Variants in MAGI2 observed in about 807,000 individuals in gnomAD.
MAGI2 encodes the protein membrane associated guanylate kinase, WW and PDZ domain containing 2, also known as membrane-associated guanylate kinase, WW and PDZ domain-containing protein 2.
MAGI2 carries 35 observed loss-of-function variants against 133.3 expected under a neutral mutation model. That is an observed-to-expected ratio of 0.26 (90% CI 0.20 to 0.35). The LOEUF (loss-of-function observed/expected upper bound fraction) is 0.35, where lower values mean the gene tolerates loss of function less well. Ranked by LOEUF, MAGI2 falls within the 10% of genes least tolerant of loss-of-function variation. MAGI2 has a pLI of 1.00. For missense variants in MAGI2, 1,636 were observed against 1,863.4 expected (o/e 0.88, Z 2.25); for synonymous variants, 729 against 710.6 (o/e 1.03, Z -0.41).
intron 3 of MAGI2, among the ~76,000 whole-genome samples, chr7:78,529,913 ATAAT>A (rs113813849): frequency 6.6e-6 from 1 of 151,740 alleles, no homozygotes; most frequent in African/African-American, 2.4e-5. Context: ...AAATATTTTA[ATAAT>A]TAATAAAAAA....
intron 7 of MAGI2, among the ~76,000 whole-genome samples, chr7:78,350,787 A>G (rs2151202909): frequency 6.6e-6 from 1 of 152,310 alleles, no homozygotes; most frequent in South Asian, 2.1e-4. Flanking sequence ...TGAGCCCATC[A>G]GTATGCACAG....
intron 10 of MAGI2, among the ~76,000 whole-genome samples, chr7:78,216,450 G>C (rs1376849179): frequency 6.6e-6 from 1 of 152,204 alleles, no homozygotes; most frequent in African/African-American, 2.4e-5. Context: ...ATGCTTGTAA[G>C]AACAAAGTGA....
At chr7:78,118,629 TG>T (rs1270791561) in intron 20 of MAGI2, among the ~76,000 whole-genome samples, 1 of 152,130 alleles carries the variant, frequency 6.6e-6, no homozygotes, top group Non-Finnish European at 1.5e-5. Context: ...ATCGAGGAAA[TG>T]TAAATTAAAA....
chr7:79,222,991 TCTC>T (rs1316577000), intron 1 of MAGI2, among the ~76,000 whole-genome samples: 1 of 152,000 alleles, frequency 6.6e-6, no homozygotes, highest in Non-Finnish European at 1.5e-5. Flanking sequence ...TTCACGCCAT[TCTC>T]CTGCCTCTGC....
chr7:78,357,925 AATCTT>A (rs1378159143), intron 7 of MAGI2, among the ~76,000 whole-genome samples: 1 of 151,730 alleles, frequency 6.6e-6, no homozygotes, highest in African/African-American at 2.4e-5. Flanking sequence ...TATGTAATAT[AATCTT>A]ATCTAATTAA....
At chr7:78,713,007 T>G (rs1035366078) in intron 2 of MAGI2, among the ~76,000 whole-genome samples, 3 of 152,238 alleles carry the variant, frequency 2.0e-5, no homozygotes, top group African/African-American at 7.2e-5. Flanking sequence ...CATACGAAAA[T>G]GAAAACATTA....
intron 1 of MAGI2, among the ~76,000 whole-genome samples, chr7:79,112,650 T>C (rs1358914423): frequency 6.6e-6 from 1 of 152,210 alleles, no homozygotes; most frequent in Non-Finnish European, 1.5e-5. Flanking sequence ...AAATTTGTGC[T>C]CAATATATGA....
chr7:79,013,302 CT>C (rs1307810037), intron 1 of MAGI2, among the ~76,000 whole-genome samples: 1 of 152,142 alleles, frequency 6.6e-6, no homozygotes, highest in Non-Finnish European at 1.5e-5. Flanking sequence ...ATTCAGGAAT[CT>C]TACATCATCA....
chr7:78,582,743 A>G (rs1320044924), intron 3 of MAGI2, among the ~76,000 whole-genome samples: 1 of 152,230 alleles, frequency 6.6e-6, no homozygotes, highest in East Asian at 1.9e-4. Flanking sequence ...GGCAGCTAGC[A>G]TTAAGTTAAT....
chr7:78,054,343 C>T (rs10953424), intron 21 of MAGI2, among the ~76,000 whole-genome samples: 14,299 of 152,096 alleles, frequency 0.094, 666 homozygotes, highest in South Asian at 0.12. Context: ...TCAGGCTGGT[C>T]TTGAAATCCT....
chr7:79,022,661 A>AAAC (rs1199584708), intron 1 of MAGI2, among the ~76,000 whole-genome samples: 4 of 151,610 alleles, frequency 2.6e-5, no homozygotes, highest in African/African-American at 9.7e-5. Context: ...AAAAAAAAAA[A>AAAC]ACCACATTCA....
chr7:78,755,228 G>A (rs116018030), intron 2 of MAGI2, among the ~76,000 whole-genome samples: 88 of 152,236 alleles, frequency 5.8e-4, no homozygotes, highest in African/African-American at 2.1e-3. Flanking sequence ...AAGTATGTAC[G>A]GTGGAAAAAA....
At chr7:78,836,013 T>A (rs1791587704) in intron 2 of MAGI2, among the ~76,000 whole-genome samples, 1 of 152,214 alleles carries the variant, frequency 6.6e-6, no homozygotes. Flanking sequence ...TTCTAATAAA[T>A]GATCACAACA....
At chr7:78,847,004 G>A (rs1323845015) in intron 2 of MAGI2, among the ~76,000 whole-genome samples, 2 of 151,842 alleles carry the variant, frequency 1.3e-5, no homozygotes, top group African/African-American at 4.8e-5. Flanking sequence ...TCTCACTTTA[G>A]AATACTTTGT....
chr7:79,421,640 A>G (rs2190181), intron 1 of MAGI2, among the ~76,000 whole-genome samples: 37,323 of 151,652 alleles, frequency 0.25, 6,653 homozygotes, highest in African/African-American at 0.51. Flanking sequence ...GCCCTATCTC[A>G]TTGCAATACA....
chr7:78,154,618 C>T (rs955492735), intron 16 of MAGI2, among the ~76,000 whole-genome samples: 11 of 152,142 alleles, frequency 7.2e-5, no homozygotes, highest in African/African-American at 1.2e-4. Context: ...CCTCCACCAC[C>T]GATACCCAAG....
chr7:79,132,594 T>C (rs1821031622), intron 1 of MAGI2, among the ~76,000 whole-genome samples: 1 of 152,150 alleles, frequency 6.6e-6, no homozygotes, highest in African/African-American at 2.4e-5. Flanking sequence ...ATTTTGCTTC[T>C]ATAAACATAT....
intron 2 of MAGI2, among the ~76,000 whole-genome samples, chr7:78,785,767 A>T (rs1826766949): frequency 1.3e-5 from 2 of 152,184 alleles, no homozygotes; most frequent in Admixed American, 1.3e-4. Context: ...ATTCTTTATG[A>T]TCTCTTTTGA....
chr7:78,737,315 G>A (rs1373046820), intron 2 of MAGI2, among the ~76,000 whole-genome samples: 1 of 152,164 alleles, frequency 6.6e-6, no homozygotes, highest in Non-Finnish European at 1.5e-5. Context: ...AGCAATGCAT[G>A]ATGTTACAAA....
Sources: gnomAD v4.1 joint callset for allele counts (sites outside exome capture counted in the v4.1 genomes callset) on GRCh38, gnomAD v4.1.1 for gene constraint, MANE v1.5 for transcripts, NCBI Gene and HGNC (gene_info 2026-07-23, HGNC 2026-07-21) for gene names.